MDFIC2: variants seen among roughly 807,000 people sequenced by gnomAD.
The protein encoded by MDFIC2 is MyoD family inhibitor domain containing 2, also known as myoD family inhibitor domain-containing protein 2.
intron 2 of MDFIC2, among the ~76,000 whole-genome samples, chr3:70,309,147 A>C (rs547552305): frequency 6.6e-6 from 1 of 152,262 alleles, no homozygotes; most frequent in African/African-American, 2.4e-5. Flanking sequence ...CACTGTAATA[A>C]AATGGTTTAA....
At chr3:70,277,358 CT>C (rs975978244) in intron 2 of MDFIC2, among the ~76,000 whole-genome samples, 1 of 152,096 alleles carries the variant, frequency 6.6e-6, no homozygotes, top group Non-Finnish European at 1.5e-5. Context: ...TGTTATTTGA[CT>C]TTTTTCCCCC....
intron 2 of MDFIC2, among the ~76,000 whole-genome samples, chr3:70,207,882 G>A (rs868147191): frequency 3.9e-5 from 6 of 152,100 alleles, no homozygotes; most frequent in African/African-American, 9.6e-5. Context: ...AGGGACAACT[G>A]TATGCATTCT....
intron 2 of MDFIC2, among the ~76,000 whole-genome samples, chr3:70,239,796 G>T (rs889880073): frequency 6.6e-6 from 1 of 152,014 alleles, no homozygotes; most frequent in East Asian, 1.9e-4. Flanking sequence ...ATACAGTGAC[G>T]TCTCGTTCAA....
At chr3:70,304,491 T>C (rs968158048) in intron 2 of MDFIC2, among the ~76,000 whole-genome samples, 2 of 152,124 alleles carry the variant, frequency 1.3e-5, no homozygotes, top group African/African-American at 4.8e-5. Flanking sequence ...TTCTAGCCAA[T>C]TTCTCTCTCT....
At chr3:70,287,429 A>G (rs1481781249) in intron 2 of MDFIC2, among the ~76,000 whole-genome samples, 3 of 151,550 alleles carry the variant, frequency 2.0e-5, no homozygotes, top group East Asian at 1.9e-4. Flanking sequence ...TGGTGGATAA[A>G]CTTTTTGATG....
chr3:70,273,047 G>A lies in MDFIC2; in HGVS notation c.88+38839C>T, dbSNP rs531160429. On this transcript the variant is annotated intron_variant, in intron 2 of 3. Transcript: ENST00000567252. ...CTCCAAATATCCTTCTCACTCTCCT[G>A]CCTACCTGTTGTCAAGGGAAGTTCA... Among the ~76,000 whole-genome samples, 8 of 152,188 alleles carry A rather than the reference G, an allele frequency of 5.3e-5. 1 individual carries two copies. In the South Asian group the frequency reaches 1.7e-3, roughly 32 times the overall value.
intron 2 of MDFIC2, among the ~76,000 whole-genome samples, chr3:70,297,378 G>A (rs1280102477): frequency 6.6e-6 from 1 of 152,086 alleles, no homozygotes; most frequent in Admixed American, 6.6e-5. Flanking sequence ...TCTTGGTGGA[G>A]ATTAAGAGTT....
At chr3:70,284,665 T>G (rs1324249782) in intron 2 of MDFIC2, among the ~76,000 whole-genome samples, 1 of 152,192 alleles carries the variant, frequency 6.6e-6, no homozygotes, top group African/African-American at 2.4e-5. Context: ...AAACACTGCA[T>G]GTTCTCACTT....
At position 70,298,866 on chromosome 3, in the gene MDFIC2, T is replaced by G. The variant is rs1018965795; in HGVS notation, c.88+13020A>C. On this transcript the variant is annotated intron_variant, in intron 2 of 3. Coordinates refer to ENST00000567252, the MANE Select transcript of MDFIC2 (RefSeq NM_001364677.1). ...CTGGTCCTGTTGTTTACTACCTGGG[T>G]GACTTTGGACCAAATTATTTAAACT... is the stretch of plus-strand genomic sequence containing the variant. Among the ~76,000 whole-genome samples, 8 of 152,260 alleles carry G rather than the reference T, an allele frequency of 5.3e-5. No homozygotes were observed. The South Asian group carries it at 1.0e-3, about 20-fold the overall frequency.
chr3:70,287,060 G>C (rs1357281975), intron 2 of MDFIC2, among the ~76,000 whole-genome samples: 1 of 144,340 alleles, frequency 6.9e-6, no homozygotes, highest in East Asian at 2.0e-4. Flanking sequence ...TCCTTCTCCT[G>C]CCTAATTGCC....
At chr3:70,207,918 G>T (rs991689463) in intron 2 of MDFIC2, among the ~76,000 whole-genome samples, 8 of 152,014 alleles carry the variant, frequency 5.3e-5, no homozygotes, top group African/African-American at 1.9e-4. Context: ...TTGGGAGTCT[G>T]CTCTGCAACA....
intron 2 of MDFIC2, among the ~76,000 whole-genome samples, chr3:70,234,955 T>G (rs1408248512): frequency 1.3e-5 from 2 of 152,168 alleles, no homozygotes; most frequent in Non-Finnish European, 2.9e-5. Context: ...TGGTCTGGAG[T>G]GCAGTCTGGG....
At chr3:70,209,860 G>A (rs1308778166) in intron 2 of MDFIC2, among the ~76,000 whole-genome samples, 1 of 152,030 alleles carries the variant, frequency 6.6e-6, no homozygotes, top group African/African-American at 2.4e-5. Context: ...TCTTTGCAAA[G>A]CAAAACTACC....
At chr3:70,226,548 G>A (rs1559539626) in intron 2 of MDFIC2, among the ~76,000 whole-genome samples, 1 of 152,000 alleles carries the variant, frequency 6.6e-6, no homozygotes, top group Non-Finnish European at 1.5e-5. Context: ...GACCAGCCTT[G>A]CCAACATGGT....
At chr3:70,280,094 C>A (rs1045694143) in intron 2 of MDFIC2, among the ~76,000 whole-genome samples, 2 of 152,288 alleles carry the variant, frequency 1.3e-5, no homozygotes, top group Middle Eastern at 3.4e-3. Flanking sequence ...GAGCCTCTGG[C>A]AGATAATCTA....
At chr3:70,216,587 CT>C (rs1440188461) in intron 2 of MDFIC2, among the ~76,000 whole-genome samples, 4 of 152,034 alleles carry the variant, frequency 2.6e-5, no homozygotes, top group African/African-American at 4.8e-5. Flanking sequence ...GCTATACTAT[CT>C]AGATAGAGAT....
At chr3:70,306,036 T>A (rs1037656825) in intron 2 of MDFIC2, among the ~76,000 whole-genome samples, 6 of 152,142 alleles carry the variant, frequency 3.9e-5, no homozygotes, top group African/African-American at 1.4e-4. Context: ...ATGATGTAAC[T>A]TTTCTATGTC....
intron 2 of MDFIC2, among the ~76,000 whole-genome samples, chr3:70,310,825 T>G (rs528345333): frequency 4.6e-5 from 7 of 152,100 alleles, no homozygotes; most frequent in African/African-American, 1.4e-4. Flanking sequence ...TTTTTTTTCT[T>G]TGGAACATGA....
chr3:70,232,824 T>C (rs1421179260), intron 2 of MDFIC2, among the ~76,000 whole-genome samples: 2 of 152,146 alleles, frequency 1.3e-5, no homozygotes. Flanking sequence ...CTTCCCAGGG[T>C]GATTCTCTCC....
Sources: gnomAD v4.1 joint callset for allele counts (sites outside exome capture counted in the v4.1 genomes callset) on GRCh38, gnomAD v4.1.1 for gene constraint, MANE v1.5 for transcripts, NCBI Gene and HGNC (gene_info 2026-07-23, HGNC 2026-07-21) for gene names.